Variants in CCDC9 observed in about 807,000 individuals in gnomAD.
The protein encoded by CCDC9 is coiled-coil domain-containing protein 9.
In CCDC9, 52 loss-of-function variants were observed where a neutral mutation model predicts 65.6. The ratio of observed to expected loss-of-function variants is 0.79; its 90% CI spans 0.63 to 1.00. The LOEUF (loss-of-function observed/expected upper bound fraction) is 1.00. CCDC9 is among the 50% of genes least tolerant of loss of function. CCDC9 has a pLI of 0.00. For missense variants in CCDC9, 834 were observed against 757.2 expected (o/e 1.10, Z -1.19); for synonymous variants, 332 against 280.3 (o/e 1.18, Z -1.84).
Position 47,264,694 on chromosome 19 carries a change from G to GT in CCDC9, c.546+9dup. 1.2e-6 allele frequency: 2 copies of GT among 1,603,966 alleles called. No homozygotes were observed. Among genetic ancestry groups the GT allele is most frequent in the Non-Finnish European group, 1.7e-6 (2 of 1,175,538 alleles). On this transcript the variant is annotated intron_variant, in intron 6 of 11. Coordinates refer to ENST00000221922, the MANE Select transcript of CCDC9 (RefSeq NM_015603.3). ...TATGAGCGCAACCAGCGGGTCAGTG[G>GT]TGCGGGTGTCCCCGAGGCAGGGCCG...
chr19:47,260,246 G>T, intron 3 of CCDC9, 75 bp from the exon 4 acceptor site: 1 of 1,052,942 alleles, frequency 9.5e-7, no homozygotes. Flanking sequence ...AGACTTAGGA[G>T]GAGTTCAGGG....
At chr19:47,274,836 C>T (rs1330453908), downstream of CCDC9, 17 of 875,596 alleles carry the variant, frequency 1.9e-5, no homozygotes, top group African/African-American at 8.5e-4. Flanking sequence ...GTTTAGAGAG[C>T]GGGGCGGTCT....
intron 3 of CCDC9, among the ~76,000 whole-genome samples, chr19:47,259,686 C>T (rs1240290999): frequency 2.0e-5 from 3 of 152,208 alleles, no homozygotes; most frequent in Non-Finnish European, 4.4e-5. Flanking sequence ...CCTTGTGGGC[C>T]AGGCAGCGTT....
downstream of CCDC9, among the ~76,000 whole-genome samples, chr19:47,272,504 T>G (rs1322335698): frequency 2.0e-5 from 3 of 152,036 alleles, no homozygotes; most frequent in African/African-American, 7.3e-5. Context: ...GGCTCATGCC[T>G]GTAATCCCAG....
At position 47,264,503 on chromosome 19, in the gene CCDC9, C is replaced by T. The variant is rs1052477903; in HGVS notation, c.463-100C>T. On this transcript the variant is annotated intron_variant, in intron 5 of 11. Coordinates refer to ENST00000221922, the MANE Select transcript of CCDC9 (RefSeq NM_015603.3). The stretch of plus-strand genomic sequence containing the variant: ...AATGGTCAGATGCCAGCAGGCCAGT[C>T]CGAGGAGAGGAGCCTCAGGCCTGCT... 3.6e-6 allele frequency: 4 copies of T among 1,124,618 alleles called. No individual in the cohort carries two copies. In the African/African-American group the frequency reaches 6.2e-5, roughly 17 times the overall value. The allele number at this position is 1,124,618 out of a possible 1,614,324, so 69.7% of individuals were successfully genotyped here.
chr19:47,267,191 C>T (rs1024677445), intron 8 of CCDC9, among the ~76,000 whole-genome samples: 40 of 152,248 alleles, frequency 2.6e-4, no homozygotes, highest in African/African-American at 8.9e-4. Flanking sequence ...GTCTCAATCT[C>T]CTGTCCTTGT....
chr19:47,270,557 C>G lies in CCDC9; in HGVS notation c.954C>G (p.Asp318Glu). ...PAHEPSHRYDDQAWARPPKPP... is the reference protein window; with the variant it reads ...PAHEPSHRYDEQAWARPPKPP... ...GACACCTGGGTTCTGTTGCAGATGA[C>G]CAGGCCTGGGCCCGGCCCCCGAAGC... The change falls in exon 10 of 12, where the codon GAC becomes GAG. Residue 318 changes from aspartate (D) to glutamate (E), a missense_variant. Asp to Glu is a conservative substitution (Grantham distance 45, BLOSUM62 2). Transcript: ENST00000221922. 5 of 1,614,126 alleles carry G rather than the reference C, an allele frequency of 3.1e-6. No homozygotes were observed. In the South Asian group the frequency reaches 5.5e-5, roughly 18 times the overall value.
chr19:47,258,232 G>T (rs2059023471), intron 1 of CCDC9, 98 bp from the exon 2 acceptor site: 1 of 677,228 alleles, frequency 1.5e-6, no homozygotes, highest in Non-Finnish European at 2.6e-6. Context: ...GGGGTACAGG[G>T]TTTTTTGTGT....
chr19:47,256,737 C>T (rs1330803409), intron 1 of CCDC9, 128 bp downstream of exon 1: 1 of 43,884 alleles, frequency 2.3e-5, no homozygotes, highest in African/African-American at 8.0e-5. Context: ...AGGACGCCCA[C>T]ATGGGAAGCT....
downstream of CCDC9, chr19:47,274,792 A>T (rs1303959071): frequency 2.1e-6 from 1 of 473,724 alleles, no homozygotes; most frequent in Non-Finnish European, 2.6e-6. Flanking sequence ...TGGGGGCGTG[A>T]CCATGCTGGC....
Position 47,264,593 on chromosome 19 carries a change from AT to A in CCDC9, c.463-9del. The stretch of plus-strand genomic sequence containing the variant: ...CCTGAAGCTGGGTGTCCCTATCTTT[AT>A]CCCCCCAGGAGTGGGAGGAGCGGCG... On this transcript the variant is annotated splice_polypyrimidine_tract_variant and intron_variant, in intron 5 of 11. Coordinates refer to ENST00000221922, the MANE Select transcript of CCDC9 (RefSeq NM_015603.3). 6.3e-7 allele frequency: 1 copy of A among 1,583,484 alleles called. No homozygotes were observed. Among genetic ancestry groups the A allele is most frequent in the African/African-American group, 1.3e-5 (1 of 74,426 alleles).
At chr19:47,267,587 G>T (rs2059090656) in intron 8 of CCDC9, among the ~76,000 whole-genome samples, 1 of 152,206 alleles carries the variant, frequency 6.6e-6, no homozygotes, top group African/African-American at 2.4e-5. Flanking sequence ...GGGAGCGCTT[G>T]CCCTGACATG....
At chr19:47,260,546 C>T (rs1200968627) in intron 4 of CCDC9, 42 bp from the exon 5 acceptor site, 2 of 1,555,796 alleles carry the variant, frequency 1.3e-6, no homozygotes, top group African/African-American at 1.4e-5. Flanking sequence ...CGCATGCCTC[C>T]CTGCCCCAGT....
At chr19:47,274,499 G>A (rs1424504161), downstream of CCDC9, 1 of 157,800 alleles carries the variant, frequency 6.3e-6, no homozygotes, top group Non-Finnish European at 1.4e-5. Flanking sequence ...AGTCCGACAG[G>A]TAGAGAAGTG....
chr19:47,265,476 G>A (rs984851510), intron 7 of CCDC9, among the ~76,000 whole-genome samples: 3 of 152,102 alleles, frequency 2.0e-5, no homozygotes, highest in African/African-American at 7.2e-5. Context: ...TGTGTGAGGG[G>A]TGGGGACCTG....
rs747391541 is a variant in CCDC9, at chr19:47,260,851, G to A, written c.462+12G>A. 13 of 1,605,008 alleles carry A rather than the reference G, an allele frequency of 8.1e-6. No individual in the cohort carries two copies. The East Asian group carries it at 2.9e-4, about 36-fold the overall frequency. On this transcript the variant is annotated intron_variant, in intron 5 of 11. Coordinates refer to ENST00000221922, the MANE Select transcript of CCDC9 (RefSeq NM_015603.3). ...ACCGTAAATCCAAGGTAGGAGCTAG[G>A]CAGCGCCTGGAGCCCTGGCTGAGGT...
In CCDC9 at chr19:47,270,609, C is replaced by A. The variant is rs558396002; in HGVS notation, c.1006C>A (p.Gln336Lys). The change falls in exon 10 of 12, where the codon CAG becomes AAG. Residue 336 changes from glutamine to lysine, a missense_variant. Coordinates refer to ENST00000221922, the MANE Select transcript of CCDC9 (RefSeq NM_015603.3). Reference protein sequence around the residue: ...KPPTFGEFLSQHKAEASSRRR... With the variant: ...KPPTFGEFLSKHKAEASSRRR... ...CCCTACTTTTGGGGAGTTCCTGTCC[C>A]AGCACAAAGCTGAGGCCAGCAGCCG... 2 of 1,613,514 alleles carry A rather than the reference C, an allele frequency of 1.2e-6. No homozygotes were observed. The highest frequency in any genetic ancestry group is 2.7e-5 in the African/African-American group (2 of 75,050).
intron 8 of CCDC9, among the ~76,000 whole-genome samples, chr19:47,267,283 T>G (rs1568639739): frequency 4.0e-5 from 6 of 151,590 alleles, no homozygotes; most frequent in Admixed American, 3.3e-4. Flanking sequence ...TGGTTTTCTT[T>G]TTGTTTTTGG....
At chr19:47,260,226 G>C in intron 3 of CCDC9, 95 bp from the exon 4 acceptor site, 1 of 860,110 alleles carries the variant, frequency 1.2e-6, no homozygotes, top group African/African-American at 1.7e-5. Flanking sequence ...GAGAGGCCTG[G>C]GCTGGGGCCA....
Sources: gnomAD v4.1 joint callset for allele counts (sites outside exome capture counted in the v4.1 genomes callset) on GRCh38, gnomAD v4.1.1 for gene constraint, MANE v1.5 for transcripts, NCBI Gene and HGNC (gene_info 2026-07-23, HGNC 2026-07-21) for gene names.